HTR1F: variants seen among roughly 807,000 people sequenced by gnomAD.
HTR1F encodes 5-hydroxytryptamine (serotonin) receptor 1F, G protein-coupled.
In HTR1F, 17 loss-of-function variants were observed where a neutral mutation model predicts 24.0. That is an observed-to-expected ratio of 0.71 (90% CI 0.48 to 1.06). The LOEUF (loss-of-function observed/expected upper bound fraction) is 1.06, where lower values mean the gene tolerates loss of function less well. HTR1F is among the 50% of genes least tolerant of loss of function. The pLI is 0.00. For missense variants in HTR1F, 391 were observed against 427.8 expected, an observed-to-expected ratio of 0.91 and a Z score of 0.76; for synonymous variants, 186 against 156.8, an observed-to-expected ratio of 1.19 and a Z score of -1.39.
At chr3:87,895,650 T>C (rs1294461184) in intron 2 of HTR1F, among the ~76,000 whole-genome samples, 3 of 152,174 alleles carry the variant, frequency 2.0e-5, no homozygotes, top group Non-Finnish European at 4.4e-5. Context: ...GTTTAAGGGA[T>C]TTCTGCCCTT....
At chr3:87,846,698 G>A (rs929865034) in intron 2 of HTR1F, among the ~76,000 whole-genome samples, 4 of 151,810 alleles carry the variant, frequency 2.6e-5, no homozygotes, top group Admixed American at 2.0e-4. Context: ...GACACTATTC[G>A]GTAATATAAT....
intron 2 of HTR1F, among the ~76,000 whole-genome samples, chr3:87,971,581 T>G (rs1379725919): frequency 6.6e-6 from 1 of 152,024 alleles, no homozygotes; most frequent in Non-Finnish European, 1.5e-5. Context: ...AAATAAAATA[T>G]TAAAAAGTAA....
chr3:87,797,041 C>T (rs1022401113), intron 1 of HTR1F, among the ~76,000 whole-genome samples: 5 of 152,108 alleles, frequency 3.3e-5, no homozygotes, highest in East Asian at 1.9e-4. Context: ...GGCAGTCAAC[C>T]GCAGTCTAAA....
intron 2 of HTR1F, among the ~76,000 whole-genome samples, chr3:87,901,549 C>G (rs1706323727): frequency 6.6e-6 from 1 of 152,112 alleles, no homozygotes; most frequent in Non-Finnish European, 1.5e-5. Context: ...TTCTAGACTT[C>G]TTAAGGGGCT....
intron 2 of HTR1F, among the ~76,000 whole-genome samples, chr3:87,862,683 G>A (rs898358294): frequency 5.9e-5 from 9 of 152,084 alleles, no homozygotes; most frequent in African/African-American, 2.2e-4. Context: ...GACTTCCGCT[G>A]TCTCTAATGA....
intron 2 of HTR1F, among the ~76,000 whole-genome samples, chr3:87,899,825 T>C (rs1193010607): frequency 6.6e-6 from 1 of 152,180 alleles, no homozygotes; most frequent in Admixed American, 6.5e-5. Flanking sequence ...ATTGCGCCAC[T>C]GCACTCCAGC....
chr3:87,887,055 A>G (rs1559619374), intron 2 of HTR1F, among the ~76,000 whole-genome samples: 1 of 152,210 alleles, frequency 6.6e-6, no homozygotes. Flanking sequence ...TGGAGGCATC[A>G]CACTACCTGA....
intron 1 of HTR1F, among the ~76,000 whole-genome samples, chr3:87,801,800 G>A (rs958398973): frequency 9.2e-5 from 14 of 152,036 alleles, no homozygotes; most frequent in African/African-American, 2.4e-4. Flanking sequence ...TTTTCCTTTC[G>A]TATTGGAGAT....
intron 2 of HTR1F, among the ~76,000 whole-genome samples, chr3:87,850,306 T>C (rs1705054600): frequency 6.6e-6 from 1 of 151,844 alleles, no homozygotes; most frequent in Non-Finnish European, 1.5e-5. Context: ...ATGTCCTTTG[T>C]AGGGACATGG....
intron 2 of HTR1F, among the ~76,000 whole-genome samples, chr3:87,925,555 G>A (rs1357450337): frequency 6.6e-6 from 1 of 152,166 alleles, no homozygotes; most frequent in East Asian, 1.9e-4. Context: ...GGAATGTGGA[G>A]ATGCAGGGGA....
At chr3:87,864,140 CT>C (rs1705373636) in intron 2 of HTR1F, among the ~76,000 whole-genome samples, 1 of 152,136 alleles carries the variant, frequency 6.6e-6, no homozygotes, top group Admixed American at 6.5e-5. Context: ...AAAAATCTCC[CT>C]TTTTCTGGGT....
At chr3:87,925,389 G>T (rs1280504582) in intron 2 of HTR1F, among the ~76,000 whole-genome samples, 1 of 152,082 alleles carries the variant, frequency 6.6e-6, no homozygotes, top group African/African-American at 2.4e-5. Flanking sequence ...TTGGGTCTTG[G>T]AAATGACCTC....
At chr3:87,806,672 T>C (rs1164814054) in intron 1 of HTR1F, among the ~76,000 whole-genome samples, 1 of 151,910 alleles carries the variant, frequency 6.6e-6, no homozygotes, top group Non-Finnish European at 1.5e-5. Context: ...AGTCCAATTT[T>C]GTTTCTGTTG....
intron 2 of HTR1F, among the ~76,000 whole-genome samples, chr3:87,957,859 G>A (rs918839816): frequency 4.6e-5 from 7 of 151,170 alleles, no homozygotes; most frequent in African/African-American, 1.5e-4. Flanking sequence ...TCTTTTTAAA[G>A]AAACATCTTT....
chr3:87,900,360 T>C (rs537835268), intron 2 of HTR1F, among the ~76,000 whole-genome samples: 10 of 152,192 alleles, frequency 6.6e-5, no homozygotes, highest in Middle Eastern at 3.2e-3. Context: ...AGGAGGCCCA[T>C]GTAGCTGGAG....
chr3:87,969,649 G>C (rs556782278), intron 2 of HTR1F, among the ~76,000 whole-genome samples: 2 of 152,292 alleles, frequency 1.3e-5, no homozygotes, highest in South Asian at 4.1e-4. Flanking sequence ...TGTCTCAGAT[G>C]AGACTTTGGA....
chr3:87,844,985 C>T (rs924460257), intron 2 of HTR1F, among the ~76,000 whole-genome samples: 6 of 151,884 alleles, frequency 4.0e-5, no homozygotes, highest in African/African-American at 1.5e-4. Flanking sequence ...CAGCTTTGTT[C>T]TTTTGGCTTG....
intron 2 of HTR1F, among the ~76,000 whole-genome samples, chr3:87,931,919 A>G (rs1415292412): frequency 1.3e-5 from 2 of 151,508 alleles, no homozygotes; most frequent in African/African-American, 2.4e-5. Flanking sequence ...AATTTGTTTG[A>G]GTTCATTGTA....
intron 1 of HTR1F, among the ~76,000 whole-genome samples, chr3:87,817,248 C>T (rs765876689): frequency 4.6e-5 from 7 of 152,038 alleles, no homozygotes; most frequent in East Asian, 1.9e-4. Context: ...ACAGATACTC[C>T]GTTTGGCAAT....
Sources: gnomAD v4.1 joint callset for allele counts (sites outside exome capture counted in the v4.1 genomes callset) on GRCh38, gnomAD v4.1.1 for gene constraint, MANE v1.5 for transcripts, NCBI Gene and HGNC (gene_info 2026-07-23, HGNC 2026-07-21) for gene names.